The following TAFA5 variants were observed in gnomAD, a reference collection of about 807,000 sequenced individuals.
The protein encoded by TAFA5 is TAFA chemokine like family member 5, also known as chemokine-like protein TAFA-5.
TAFA5 carries 6 observed loss-of-function variants against 15.3 expected under a neutral mutation model. That is an observed-to-expected ratio of 0.39 (90% confidence interval 0.21 to 0.77). TAFA5 has a LOEUF of 0.77. TAFA5 is among the 30% of genes least tolerant of loss of function. The probability of loss-of-function intolerance (pLI) is 0.41; values close to 1 mark genes in which losing one functional copy is unlikely to be tolerated. For missense variants in TAFA5, 161 were observed against 193.1 expected, an observed-to-expected ratio of 0.83 and a Z score of 0.98; for synonymous variants, 103 against 80.7, an observed-to-expected ratio of 1.28 and a Z score of -1.48.
rs1298272308 is a variant in TAFA5, at chr22:48,751,796, G to GC, written c.*1950dup. The GC allele has an allele frequency of 1.3e-5, 2 of 152,534 alleles. No homozygotes were observed. The highest frequency in any genetic ancestry group is 6.5e-5 in the Admixed American group (1 of 15,292). The allele number at this position is 152,534 out of a possible 1,614,324, so 9.4% of individuals were successfully genotyped here. On this transcript the variant is annotated 3_prime_UTR_variant, in exon 4 of 4. Coordinates refer to ENST00000402357, the MANE Select transcript of TAFA5 (RefSeq NM_001082967.3). ...TCCCCCTCGCCTGTTTCTTTTGAAAGCAAGTGTAGACACCTTCGAGGGCAG... is the reference window on the plus strand; with the variant it reads ...TCCCCCTCGCCTGTTTCTTTTGAAAGCCAAGTGTAGACACCTTCGAGGGCAG...
Position 48,667,605 on chromosome 22 carries a change from C to T in TAFA5, c.262+20859C>T, listed in dbSNP as rs1206766003. Among the ~76,000 whole-genome samples the T allele has an allele frequency of 2.6e-5, 4 of 152,296 alleles. No individual in the cohort carries two copies. The East Asian group carries it at 5.8e-4, about 22-fold the overall frequency. ...AATCTTGAGGGTCCTTGAGACTCCG[C>T]ACTGCGTTATAACTCCTGCCTGGTT... is the stretch of plus-strand genomic sequence containing the variant. On this transcript the variant is annotated intron_variant, in intron 2 of 3. Coordinates refer to ENST00000402357, the MANE Select transcript of TAFA5 (RefSeq NM_001082967.3).
intron 1 of TAFA5, among the ~76,000 whole-genome samples, chr22:48,600,856 G>T (rs982272433): frequency 1.3e-5 from 2 of 152,156 alleles, no homozygotes; most frequent in African/African-American, 2.4e-5. Flanking sequence ...GGCGGTTACC[G>T]GATTGACTGT....
intron 2 of TAFA5, among the ~76,000 whole-genome samples, chr22:48,672,314 C>T (rs1415089122): frequency 1.3e-5 from 2 of 152,198 alleles, no homozygotes; most frequent in African/African-American, 4.8e-5. Context: ...AACTAGCATC[C>T]AACATTTAAT....
chr22:48,680,793 C>A (rs2147230079), intron 2 of TAFA5, among the ~76,000 whole-genome samples: 1 of 152,386 alleles, frequency 6.6e-6, no homozygotes, highest in South Asian at 2.1e-4. Flanking sequence ...GAGCACAGTG[C>A]TGCAGACACC....
At chr22:48,660,743 G>T (rs534525047) in intron 2 of TAFA5, among the ~76,000 whole-genome samples, 1 of 152,190 alleles carries the variant, frequency 6.6e-6, no homozygotes, top group Non-Finnish European at 1.5e-5. Flanking sequence ...ACGACACAGC[G>T]CGTGGCCCTC....
At chr22:48,584,487 CCA>C (rs1924251015) in intron 1 of TAFA5, among the ~76,000 whole-genome samples, 1 of 145,106 alleles carries the variant, frequency 6.9e-6, no homozygotes. Flanking sequence ...CACATTCACA[CCA>C]CACACAAAAT....
chr22:48,681,380 C>T (rs1483443984), intron 2 of TAFA5, among the ~76,000 whole-genome samples: 2 of 151,866 alleles, frequency 1.3e-5, no homozygotes, highest in Admixed American at 1.3e-4. Context: ...CGGTGGCTCA[C>T]ACCTGTAATC....
At chr22:48,666,352 A>T (rs371079409) in intron 2 of TAFA5, among the ~76,000 whole-genome samples, 2 of 152,112 alleles carry the variant, frequency 1.3e-5, no homozygotes, top group Non-Finnish European at 2.9e-5. Context: ...AAGTTCGTAC[A>T]CTTTACTTTT....
intron 2 of TAFA5, among the ~76,000 whole-genome samples, chr22:48,694,812 A>T (rs948148432): frequency 3.2e-5 from 1 of 31,516 alleles, no homozygotes; most frequent in Admixed American, 2.8e-4. Context: ...CTCCGCCCCC[A>T]CCCGCCGCCG....
chr22:48,749,613 G>A (rs975232903), intron 3 of TAFA5, among the ~76,000 whole-genome samples: 33 of 152,180 alleles, frequency 2.2e-4, no homozygotes, highest in African/African-American at 6.8e-4. Context: ...CCTCCAGGTC[G>A]TGCACAGAGG....
At chr22:48,576,603 C>T (rs1442287114) in intron 1 of TAFA5, 2 of 1,401,342 alleles carry the variant, frequency 1.4e-6, no homozygotes, top group Admixed American at 2.5e-5. Flanking sequence ...GACCGGTCCT[C>T]CGCGCTCTGC....
At chr22:48,633,968 G>A (rs1480175386) in intron 1 of TAFA5, among the ~76,000 whole-genome samples, 1 of 152,176 alleles carries the variant, frequency 6.6e-6, no homozygotes, top group Admixed American at 6.5e-5. Flanking sequence ...GCTTTCCAGG[G>A]GGCAGCTTGT....
At chr22:48,626,935 G>A (rs111965444) in intron 1 of TAFA5, among the ~76,000 whole-genome samples, 2,660 of 152,250 alleles carry the variant, frequency 0.017, 51 homozygotes, top group African/African-American at 0.046. Context: ...CTCCAGCCCC[G>A]TGCTGAGACC....
chr22:48,652,139 C>T (rs2147206651), intron 2 of TAFA5, among the ~76,000 whole-genome samples: 1 of 152,364 alleles, frequency 6.6e-6, no homozygotes, highest in Non-Finnish European at 1.5e-5. Flanking sequence ...CAACGGGGCC[C>T]CCAGGGCCAG....
chr22:48,746,718 A>C (rs130230), intron 3 of TAFA5, among the ~76,000 whole-genome samples: 51,265 of 152,028 alleles, frequency 0.34, 9,561 homozygotes, highest in Non-Finnish European at 0.43. Context: ...TTGGCCTCCT[A>C]CCAGGTGGCA....
rs1923183349 is a variant in TAFA5 at position 48,560,254 on chromosome 22, C to A, written c.112+70550C>A. The stretch of plus-strand genomic sequence containing the variant: ...TGAGGCGTCTGTCCCTGTCGTGCGC[C>A]CAGGCTGGTGCCGTCAGGCTCCCGG... On this transcript the variant is annotated intron_variant, in intron 1 of 3. Transcript: ENST00000402357. This position sits in a 1 kb window ranked among gnomAD's most constrained non-coding sequence, Gnocchi z 4.2. 6.6e-6 allele frequency among the ~76,000 whole-genome samples: 1 copy of A among 152,352 alleles called. No individual in the cohort carries two copies. Among genetic ancestry groups the A allele is most frequent in the Non-Finnish European group, 1.5e-5 (1 of 68,030 alleles).
intron 1 of TAFA5, among the ~76,000 whole-genome samples, chr22:48,514,308 G>C (rs937618210): frequency 4.6e-5 from 7 of 152,222 alleles, no homozygotes; most frequent in African/African-American, 1.7e-4. Context: ...GGCATCTCAC[G>C]TTGGTGAGAA....
chr22:48,584,656 A>C (rs1049835177), intron 1 of TAFA5, among the ~76,000 whole-genome samples: 1 of 149,756 alleles, frequency 6.7e-6, no homozygotes, highest in Non-Finnish European at 1.5e-5. Context: ...CATGCACCAC[A>C]CACACAGCAC....
intron 1 of TAFA5, among the ~76,000 whole-genome samples, chr22:48,511,434 CA>C (rs1278070375): frequency 7.9e-5 from 12 of 152,196 alleles, no homozygotes; most frequent in Non-Finnish European, 2.9e-5. Flanking sequence ...ATGTGGCTCC[CA>C]GGGGGAGGGG....
Sources: allele counts gnomAD v4.1 joint callset (sites outside exome capture counted in the v4.1 genomes callset), GRCh38; gene constraint gnomAD v4.1.1; non-coding constraint Gnocchi (gnomAD v3.1); transcripts MANE v1.5; gene names NCBI Gene and HGNC (gene_info 2026-07-23, HGNC 2026-07-21).